SSH2: variants seen among roughly 807,000 people sequenced by gnomAD.
SSH2 encodes slingshot protein phosphatase 2, also known as protein phosphatase Slingshot homolog 2.
In SSH2, 37 loss-of-function variants were observed where a neutral mutation model predicts 135.2. That is an observed-to-expected ratio of 0.27 (90% confidence interval 0.21 to 0.36). The LOEUF is 0.36. Ranked by LOEUF, SSH2 falls within the 10% of genes least tolerant of loss-of-function variation. The pLI, the probability that SSH2 is intolerant of heterozygous loss-of-function variation, is 1.00. For synonymous variants in SSH2, 628 were observed against 646.2 expected (o/e 0.97, Z 0.43); for missense variants, 1,408 against 1,765.3 (o/e 0.80, Z 3.63).
rs1164699835 is a variant in SSH2 at position 29,906,667 on chromosome 17, AAAAC to A, written c.63+23267_63+23270del. On this transcript the variant is annotated intron_variant, in intron 1 of 15. Transcript: ENST00000540801. Reference sequence around the variant, plus strand: ...CAAGAAACTTAAACAAATTTAAAAGAAAACAAACAAACAACCCCATTTAAAAAGT... The same window carrying A: ...CAAGAAACTTAAACAAATTTAAAAGAAAACAAACAACCCCATTTAAAAAGT... Among the ~76,000 whole-genome samples the A allele has an allele frequency of 9.2e-5, 14 of 152,354 alleles. No individual in the cohort carries two copies. In the East Asian group the frequency reaches 9.6e-4, roughly 10 times the overall value.
chr17:29,687,436 A>G (rs1314980641), intron 5 of SSH2, among the ~76,000 whole-genome samples: 1 of 152,258 alleles, frequency 6.6e-6, no homozygotes, highest in Admixed American at 6.5e-5. Flanking sequence ...TCCATGAAGT[A>G]ATTGAGCATT....
chr17:29,897,023 T>C lies in SSH2; in HGVS notation c.63+32915A>G, dbSNP rs28494721. On this transcript the variant is annotated intron_variant, in intron 1 of 15. Transcript: ENST00000540801. ...AAAGACATACATATATGGGTGTGTA[T>C]ATATATATTTATATAATTTCTATGA... Among the ~76,000 whole-genome samples the C allele has an allele frequency of 6.5e-3, 990 of 152,014 alleles. 6 individuals are homozygous for C. The highest frequency in any genetic ancestry group is 0.023 in the African/African-American group (949 of 41,518).
chr17:29,929,633 G>C (rs1300217208), intron 1 of SSH2, among the ~76,000 whole-genome samples: 1 of 152,044 alleles, frequency 6.6e-6, no homozygotes, highest in African/African-American at 2.4e-5. Flanking sequence ...GAAGGGGGAG[G>C]GTGAAAAGCA....
intron 1 of SSH2, among the ~76,000 whole-genome samples, chr17:29,874,196 G>A (rs991870678): frequency 6.6e-6 from 1 of 151,452 alleles, no homozygotes; most frequent in African/African-American, 2.4e-5. Context: ...AGGAGGCCAA[G>A]GTGGGAGGAT....
In SSH2 at chr17:29,694,077, T is replaced by G. The variant is rs189158430; in HGVS notation, c.357+1382A>C. 1.2e-3 allele frequency among the ~76,000 whole-genome samples: 177 copies of G among 152,200 alleles called. 2 individuals are homozygous for G. In the Middle Eastern group the frequency reaches 0.02, roughly 18 times the overall value. On this transcript the variant is annotated intron_variant, in intron 5 of 15. Coordinates refer to ENST00000540801, the MANE Select transcript of SSH2 (RefSeq NM_001282129.2). Reference sequence around the variant, plus strand: ...AAATTCATAAACTTTCTGAAAACATTATGAGATATTGTGATTTTTTTTTTA... The same window carrying G: ...AAATTCATAAACTTTCTGAAAACATGATGAGATATTGTGATTTTTTTTTTA...
intron 1 of SSH2, among the ~76,000 whole-genome samples, chr17:29,917,019 T>TAAA (rs777648253): frequency 7.7e-6 from 1 of 129,590 alleles, no homozygotes. Context: ...TCTGTAGCAG[T>TAAA]AAAAAAAAAA....
At chr17:29,675,280 T>C (rs2151053945) in intron 8 of SSH2, among the ~76,000 whole-genome samples, 1 of 152,288 alleles carries the variant, frequency 6.6e-6, no homozygotes, top group Non-Finnish European at 1.5e-5. Flanking sequence ...CTATCAATTC[T>C]GTTTTCAGGG....
Position 29,630,686 on chromosome 17 carries a change from T to TAA in SSH2, c.*154_*155insTT. The TAA allele has an allele frequency of 3.0e-6, 2 of 674,064 alleles. No individual in the cohort carries two copies. The highest frequency in any genetic ancestry group is 5.0e-6 in the Non-Finnish European group (2 of 403,726). The allele number at this position is 674,064 out of a possible 1,614,324, so 41.8% of individuals were successfully genotyped here. ...CTTTCCCCTTACATATACACACACA[T>TAA]ACACACTGAAAAACACCCAAACCCT... On this transcript the variant is annotated 3_prime_UTR_variant, in exon 16 of 16. Coordinates refer to ENST00000540801, the MANE Select transcript of SSH2 (RefSeq NM_001282129.2).
intron 4 of SSH2, among the ~76,000 whole-genome samples, chr17:29,698,615 A>G (rs943374382): frequency 1.3e-5 from 2 of 151,898 alleles, no homozygotes; most frequent in Non-Finnish European, 2.9e-5. Flanking sequence ...CCTCCAGGGT[A>G]GCCAGGACTA....
At chr17:29,832,342 G>A (rs113769137) in intron 2 of SSH2, among the ~76,000 whole-genome samples, 14 of 152,216 alleles carry the variant, frequency 9.2e-5, no homozygotes, top group African/African-American at 3.4e-4. Flanking sequence ...ATGCTGCTTA[G>A]GCTGATCTTG....
chr17:29,713,106 C>T (rs906252396), intron 3 of SSH2, among the ~76,000 whole-genome samples: 11 of 152,156 alleles, frequency 7.2e-5, no homozygotes, highest in African/African-American at 2.2e-4. Flanking sequence ...GAGGCTGAGG[C>T]GGGTGGATCA....
At chr17:29,759,842 A>C (rs1458097120) in intron 3 of SSH2, among the ~76,000 whole-genome samples, 1 of 152,160 alleles carries the variant, frequency 6.6e-6, no homozygotes, top group African/African-American at 2.4e-5. Context: ...GGTTGCTTCC[A>C]CTGCCATTTT....
chr17:29,879,742 T>C (rs2066102672), intron 1 of SSH2, among the ~76,000 whole-genome samples: 1 of 152,180 alleles, frequency 6.6e-6, no homozygotes, highest in Non-Finnish European at 1.5e-5. Flanking sequence ...CAAAGTCTGC[T>C]CTAACAGCAT....
chr17:29,911,042 G>C (rs2066755578), intron 1 of SSH2, among the ~76,000 whole-genome samples: 1 of 152,104 alleles, frequency 6.6e-6, no homozygotes, highest in African/African-American at 2.4e-5. Context: ...CCATGCTGTT[G>C]AAGCCCTGGA....
At chr17:29,821,671 A>G (rs1465596155) in intron 2 of SSH2, among the ~76,000 whole-genome samples, 1 of 143,138 alleles carries the variant, frequency 7.0e-6, no homozygotes, top group African/African-American at 2.6e-5. Flanking sequence ...TTTGAGGTGG[A>G]GTCTCGCTCT....
At chr17:29,849,882 T>TC (rs2065522017) in intron 1 of SSH2, among the ~76,000 whole-genome samples, 1 of 131,422 alleles carries the variant, frequency 7.6e-6, no homozygotes, top group Non-Finnish European at 1.6e-5. Context: ...ATATATATAT[T>TC]AGCCGGGCAT....
intron 2 of SSH2, among the ~76,000 whole-genome samples, chr17:29,829,475 T>C (rs1420036489): frequency 2.0e-5 from 3 of 151,926 alleles, no homozygotes; most frequent in Non-Finnish European, 4.4e-5. Context: ...TGTGTGTGTG[T>C]GTGTGTGTGT....
chr17:29,684,794 C>A (rs568352941), intron 5 of SSH2, 110 bp from the exon 6 acceptor site: 38 of 988,650 alleles, frequency 3.8e-5, no homozygotes, highest in Non-Finnish European at 5.1e-5. Context: ...GGCAGCAGAG[C>A]CAGTAGTTAG....
chr17:29,784,821 C>T (rs2041925728), intron 3 of SSH2, among the ~76,000 whole-genome samples: 1 of 152,116 alleles, frequency 6.6e-6, no homozygotes, highest in Non-Finnish European at 1.5e-5. Context: ...CCCCACTCTC[C>T]TATGTTTGGA....
Sources: gnomAD v4.1 joint callset for allele counts (sites outside exome capture counted in the v4.1 genomes callset) on GRCh38, gnomAD v4.1.1 for gene constraint, MANE v1.5 for transcripts, NCBI Gene and HGNC (gene_info 2026-07-23, HGNC 2026-07-21) for gene names.